Variants in NRG1 observed in about 807,000 individuals in gnomAD.
NRG1 encodes the protein neuregulin 1, also known as pro-neuregulin-1, membrane-bound isoform.
NRG1 carries 18 observed loss-of-function variants against 63.8 expected under a neutral mutation model. The ratio of observed to expected loss-of-function variants is 0.28; its 90% CI spans 0.19 to 0.42. The LOEUF (loss-of-function observed/expected upper bound fraction) is 0.42. Ranked by LOEUF, NRG1 falls within the 10% of genes least tolerant of loss-of-function variation. NRG1 has a pLI of 1.00. For synonymous variants in NRG1, 302 were observed against 301.3 expected (o/e 1.00, Z -0.02); for missense variants, 762 against 814.7 (o/e 0.94, Z 0.79).
intron 1 of NRG1, among the ~76,000 whole-genome samples, chr8:32,482,590 C>T (rs1160823363): frequency 6.6e-6 from 1 of 152,138 alleles, no homozygotes; most frequent in African/African-American, 2.4e-5. Flanking sequence ...CCCTTCATTG[C>T]TCTGCTGTGA....
intron 7 of NRG1, among the ~76,000 whole-genome samples, chr8:32,751,382 A>T (rs1280261249): frequency 2.0e-5 from 3 of 152,200 alleles, no homozygotes; most frequent in Non-Finnish European, 4.4e-5. Flanking sequence ...TCATTGAGAG[A>T]CAGACCCACC....
chr8:31,975,907 T>C (rs1163859212), intron 1 of NRG1, among the ~76,000 whole-genome samples: 1 of 152,210 alleles, frequency 6.6e-6, no homozygotes, highest in African/African-American at 2.4e-5. Flanking sequence ...TGCTTTTATA[T>C]TTGTTTTATA....
chr8:31,656,405 A>G (rs1408939724), intron 1 of NRG1, among the ~76,000 whole-genome samples: 1 of 152,174 alleles, frequency 6.6e-6, no homozygotes, highest in Non-Finnish European at 1.5e-5. Flanking sequence ...ACCAGTGAGG[A>G]CTTAGGACAG....
At chr8:31,918,217 A>G (rs1023517462) in intron 1 of NRG1, among the ~76,000 whole-genome samples, 15 of 152,146 alleles carry the variant, frequency 9.9e-5, no homozygotes, top group Non-Finnish European at 1.9e-4. Context: ...TAATTGCCCT[A>G]GCCAGAACTT....
intron 1 of NRG1, among the ~76,000 whole-genome samples, chr8:31,934,880 G>T (rs1835173319): frequency 1.3e-5 from 2 of 152,158 alleles, no homozygotes; most frequent in African/African-American, 2.4e-5. Flanking sequence ...CCTGGCACAT[G>T]TAGAGACTCA....
intron 1 of NRG1, among the ~76,000 whole-genome samples, chr8:32,467,735 G>A (rs1189098503): frequency 6.6e-6 from 1 of 152,178 alleles, no homozygotes; most frequent in Admixed American, 6.5e-5. Context: ...GAGAACCACA[G>A]GAGAGAAACA....
At chr8:32,428,129 A>C (rs1226383554) in intron 1 of NRG1, among the ~76,000 whole-genome samples, 1 of 152,214 alleles carries the variant, frequency 6.6e-6, no homozygotes, top group African/African-American at 2.4e-5. Context: ...CAATGATCAC[A>C]GTGAACCACA....
At position 32,422,885 on chromosome 8, in the gene NRG1, T is replaced by C. The variant is rs184095941; in HGVS notation, c.38-172943T>C. ...TGTTTGAATCTGTGTAATAACTAAC[T>C]ATGATATAATCAGGCTTTCTTGCAG... On this transcript the variant is annotated intron_variant, in intron 1 of 10. Coordinates refer to the NRG1 transcript ENST00000519301. 2.3e-3 allele frequency among the ~76,000 whole-genome samples: 354 copies of C among 152,374 alleles called. 1 individual carries two copies. The highest frequency in any genetic ancestry group is 8.2e-3 in the African/African-American group (340 of 41,596).
chr8:31,927,801 A>G (rs1834508183), intron 1 of NRG1, among the ~76,000 whole-genome samples: 2 of 150,932 alleles, frequency 1.3e-5, no homozygotes, highest in Admixed American at 6.6e-5. Flanking sequence ...CTTTTCAACC[A>G]AAGTTGAGGA....
chr8:32,372,200 G>T (rs1191103022), intron 1 of NRG1, among the ~76,000 whole-genome samples: 1 of 151,882 alleles, frequency 6.6e-6, no homozygotes, highest in Non-Finnish European at 1.5e-5. Context: ...TGTTGCACAG[G>T]CTGGTCTCAA....
chr8:32,713,538 C>T (rs1321059591), intron 5 of NRG1, among the ~76,000 whole-genome samples: 1 of 151,342 alleles, frequency 6.6e-6, no homozygotes, highest in Non-Finnish European at 1.5e-5. Context: ...TGCCTGCTCT[C>T]TCCTTTTCTC....
At chr8:32,615,794 G>A (rs1847244890) in intron 4 of NRG1, among the ~76,000 whole-genome samples, 1 of 151,736 alleles carries the variant, frequency 6.6e-6, no homozygotes. Context: ...TATGTGTGTT[G>A]CGGAATGGTA....
chr8:31,975,661 T>C (rs1411859626), intron 1 of NRG1, among the ~76,000 whole-genome samples: 2 of 152,222 alleles, frequency 1.3e-5, no homozygotes, highest in Non-Finnish European at 2.9e-5. Flanking sequence ...AGGATAATTA[T>C]GGTTTATCTA....
At chr8:32,728,520 G>A in intron 6 of NRG1, 12 of 985,348 alleles carry the variant, frequency 1.2e-5, no homozygotes, top group Non-Finnish European at 1.4e-5. Flanking sequence ...AAGCAGAAGG[G>A]CAGAAGATTA....
chr8:31,662,828 T>C lies in NRG1; in HGVS notation c.37+23397T>C, dbSNP rs76409607. On this transcript the variant is annotated intron_variant, in intron 1 of 10. Transcript: ENST00000519301. ...AAAACACATACCAAGAACTTATTGTTGGGATGAAGAAGAGTAAATAGGGGA... is the reference window on the plus strand; with the variant it reads ...AAAACACATACCAAGAACTTATTGTCGGGATGAAGAAGAGTAAATAGGGGA... Among the ~76,000 whole-genome samples, 917 of 152,300 alleles carry C rather than the reference T, an allele frequency of 6.0e-3. 8 individuals carry two copies. The highest frequency in any genetic ancestry group is 0.021 in the African/African-American group (884 of 41,566).
At chr8:32,115,424 G>A (rs1439099732) in intron 1 of NRG1, among the ~76,000 whole-genome samples, 1 of 151,978 alleles carries the variant, frequency 6.6e-6, no homozygotes, top group African/African-American at 2.4e-5. Context: ...TTACAATAAA[G>A]TTGGAAAATA....
intron 1 of NRG1, among the ~76,000 whole-genome samples, chr8:31,922,590 C>T (rs1563571132): frequency 6.6e-6 from 1 of 152,120 alleles, no homozygotes; most frequent in African/African-American, 2.4e-5. Flanking sequence ...TGGGTTGAGC[C>T]TTTGACCTAT....
chr8:32,739,970 T>G (rs1825936390), intron 6 of NRG1, among the ~76,000 whole-genome samples: 1 of 152,186 alleles, frequency 6.6e-6, no homozygotes, highest in Non-Finnish European at 1.5e-5. Context: ...ACATCATTAA[T>G]TCTGGAAACA....
chr8:31,932,291 C>T (rs948905194), intron 1 of NRG1, among the ~76,000 whole-genome samples: 11 of 152,104 alleles, frequency 7.2e-5, no homozygotes, highest in African/African-American at 2.4e-4. Flanking sequence ...CCTTTCATCT[C>T]GCAAATTTTC....
Sources: gnomAD v4.1 joint callset for allele counts (sites outside exome capture counted in the v4.1 genomes callset) on GRCh38, gnomAD v4.1.1 for gene constraint, MANE v1.5 for transcripts, NCBI Gene and HGNC (gene_info 2026-07-23, HGNC 2026-07-21) for gene names.